NUP62: variants seen among roughly 807,000 people sequenced by gnomAD.
NUP62 encodes the protein nucleoporin 62, also known as nuclear pore glycoprotein p62.
For missense variants in NUP62, 647 were observed against 689.4 expected (o/e 0.94, Z 0.69); for synonymous variants, 305 against 303.4 (o/e 1.01, Z -0.05).
intron 1 of NUP62, 155 bp downstream of exon 1, chr19:49,929,171 G>T (rs905408194): frequency 6.8e-6 from 1 of 146,270 alleles, no homozygotes; most frequent in Non-Finnish European, 1.5e-5. Flanking sequence ...CCGCCACCCA[G>T]TATATATCTG....
chr19:49,917,855 A>AC (rs750139845), intron 2 of NUP62: 1 of 152,010 alleles, frequency 6.6e-6, no homozygotes, highest in African/African-American at 2.4e-5. Flanking sequence ...ACATGGTGAA[A>AC]CCCCCGTCTC....
intron 2 of NUP62, among the ~76,000 whole-genome samples, chr19:49,913,875 C>T (rs560599127): frequency 1.1e-4 from 17 of 152,184 alleles, no homozygotes; most frequent in East Asian, 3.9e-4. Context: ...GAGCCACAGG[C>T]GGACTTTATG....
In NUP62 at chr19:49,918,916, T is replaced by TG. The variant is rs1312547282; in HGVS notation, c.-78+8777dup. On this transcript the variant is annotated intron_variant, in intron 2 of 2. Transcript: ENST00000352066. ...AGGCTGGGGGGGGGGGGGCGGGGTG[T>TG]GGGGGGGCGGATCACCTGAGGTCGG... Among the ~76,000 whole-genome samples the TG allele has an allele frequency of 6.7e-3, 169 of 25,254 alleles. 3 individuals are homozygous for TG. Among genetic ancestry groups the TG allele is most frequent in the African/African-American group, 0.024 (159 of 6,622 alleles). The allele number at this position is 25,254 out of a possible 152,430, so 16.6% of individuals were successfully genotyped here.
chr19:49,922,312 G>T (rs1422767766), intron 2 of NUP62, among the ~76,000 whole-genome samples: 1 of 152,150 alleles, frequency 6.6e-6, no homozygotes, highest in African/African-American at 2.4e-5. Flanking sequence ...GTGGCCTCTG[G>T]CTGGGGGCAT....
rs2075761652 is a variant in NUP62, at chr19:49,921,377, T to C, written c.-78+6317A>G. Among the ~76,000 whole-genome samples, 1 of 152,072 alleles carries C rather than the reference T, an allele frequency of 6.6e-6. No homozygotes were observed. The highest frequency in any genetic ancestry group is 1.5e-5 in the Non-Finnish European group (1 of 68,002). On this transcript the variant is annotated intron_variant, in intron 2 of 2. Coordinates refer to ENST00000352066, the MANE Select transcript of NUP62 (RefSeq NM_016553.5). The surrounding 1 kb of genome is among the most constrained non-coding windows in gnomAD (Gnocchi z 5.4). ...CACTGCCACCACCATCACCGTCCCC[T>C]GCCTCATCCAGTCCCCCTTCCCATT... is the stretch of plus-strand genomic sequence containing the variant.
rs746120885 is a variant in NUP62, at chr19:49,908,683, C to A, written c.1125G>T (p.Leu375=). ...GCTTCACCTTCTCCACCTCGCGGTGCAGGCTGGTGATCTTTTCTCCATTCT... is the reference window on the plus strand; with the variant it reads ...GCTTCACCTTCTCCACCTCGCGGTGAAGGCTGGTGATCTTTTCTCCATTCT... The part of the protein sequence containing the change: ...LIENGEKITS[L]HREVEKVKLD... The change falls in exon 3 of 3, where the codon CTG becomes CTT. Residue 375 remains leucine (L), a synonymous_variant. Transcript: ENST00000352066. 6.2e-7 allele frequency: 1 copy of A among 1,612,018 alleles called. No individual in the cohort carries two copies. Among genetic ancestry groups the A allele is most frequent in the Non-Finnish European group, 8.5e-7 (1 of 1,180,036 alleles).
chr19:49,912,166 C>CTTTTTT (rs60350799), intron 2 of NUP62, among the ~76,000 whole-genome samples: 1 of 115,486 alleles, frequency 8.7e-6, no homozygotes, highest in Non-Finnish European at 1.7e-5. Flanking sequence ...AACAGTTCAC[C>CTTTTTT]TTTTTTTTTT....
chr19:49,914,150 G>GCAAAAAA (rs1410921464), intron 2 of NUP62, among the ~76,000 whole-genome samples: 1 of 151,950 alleles, frequency 6.6e-6, no homozygotes, highest in Non-Finnish European at 1.5e-5. Flanking sequence ...GGAGTTTGAG[G>GCAAAAAA]CAAAAAACAA....
intron 1 of NUP62, chr19:49,928,598 G>C (rs2122805487): frequency 6.6e-6 from 1 of 152,176 alleles, no homozygotes; most frequent in Non-Finnish European, 1.5e-5. Flanking sequence ...TCTTATTTGA[G>C]TCTCATAAAC....
chr19:49,925,229 C>T (rs1431138389), intron 2 of NUP62, among the ~76,000 whole-genome samples: 1 of 152,032 alleles, frequency 6.6e-6, no homozygotes, highest in Non-Finnish European at 1.5e-5. Context: ...CCATTGCACT[C>T]CAGCCTGGGC....
chr19:49,909,332 G>A lies in NUP62; in HGVS notation c.476C>T (p.Ser159Leu), dbSNP rs2075401679. 1 of 1,614,006 alleles carries A rather than the reference G, an allele frequency of 6.2e-7. No homozygotes were observed. Among genetic ancestry groups the A allele is most frequent in the Non-Finnish European group, 8.5e-7 (1 of 1,180,020 alleles). ...TTGGGCCGTGCTTCCACCAGTGAAT[G>A]AGAAGCCTCCAGATGTGGTAGCTGG... is the stretch of plus-strand genomic sequence containing the variant. Reference protein sequence around the residue: ...VAPATTSGGFSFTGGSTAQPS... With the variant: ...VAPATTSGGFLFTGGSTAQPS... Residue 159 changes from serine to leucine, a missense_variant, in exon 3 of 3, where the codon TCA (serine) becomes TTA (leucine). Physicochemically the swap from Ser to Leu is moderately radical, Grantham distance 145 (BLOSUM62 -2). Coordinates refer to ENST00000352066, the MANE Select transcript of NUP62 (RefSeq NM_016553.5).
At chr19:49,917,141 A>G (rs1308236840) in intron 2 of NUP62, among the ~76,000 whole-genome samples, 3 of 152,180 alleles carry the variant, frequency 2.0e-5, no homozygotes, top group Non-Finnish European at 4.4e-5. Flanking sequence ...GGCAGAAAAG[A>G]GCAGAGAGTG....
At chr19:49,910,129 C>T (rs2075426070) in intron 2 of NUP62, among the ~76,000 whole-genome samples, 1 of 152,132 alleles carries the variant, frequency 6.6e-6, no homozygotes, top group Non-Finnish European at 1.5e-5. Flanking sequence ...AAAGCTCCCA[C>T]TCTGTGGAGG....
intron 2 of NUP62, among the ~76,000 whole-genome samples, chr19:49,924,029 T>G (rs1176916485): frequency 6.6e-6 from 1 of 152,062 alleles, no homozygotes; most frequent in African/African-American, 2.4e-5. Flanking sequence ...GTTGCGGCAA[T>G]AGCAGGGCGA....
intron 2 of NUP62, chr19:49,913,181 C>CA (rs2075522382): frequency 6.6e-6 from 1 of 152,422 alleles, no homozygotes; most frequent in African/African-American, 2.4e-5. Flanking sequence ...CAGGGAGGCC[C>CA]ACACAGCAGA....
At chr19:49,922,085 C>CA (rs2075778431) in intron 2 of NUP62, among the ~76,000 whole-genome samples, 1 of 152,210 alleles carries the variant, frequency 6.6e-6, no homozygotes, top group Non-Finnish European at 1.5e-5. Context: ...AACGACCAAA[C>CA]ACCCCTCCTG....
chr19:49,908,174 A>G lies in NUP62; in HGVS notation c.*65T>C, dbSNP rs2075365227. ...GTATCTTGCCACAACCCCAAACTAC[A>G]GACAACAGGGCGCATTCCCCTCATG... On this transcript the variant is annotated 3_prime_UTR_variant, in exon 3 of 3. Coordinates refer to ENST00000352066, the MANE Select transcript of NUP62 (RefSeq NM_016553.5). The G allele has an allele frequency of 1.9e-6, 3 of 1,585,934 alleles. No individual in the cohort carries two copies. Among genetic ancestry groups the G allele is most frequent in the Admixed American group, 1.8e-5 (1 of 56,274 alleles).
intron 2 of NUP62, among the ~76,000 whole-genome samples, chr19:49,922,101 G>A (rs183971822): frequency 2.6e-5 from 4 of 152,300 alleles, no homozygotes; most frequent in African/African-American, 9.6e-5. Context: ...TCCTGACTCA[G>A]AGCTGCTGGC....
chr19:49,914,318 C>T lies in NUP62; in HGVS notation c.-77-4434G>A, dbSNP rs138929049. On this transcript the variant is annotated intron_variant, in intron 2 of 2. Transcript: ENST00000352066. ...GGCGGTGGAGGAAGCAGGGAGGAAC[C>T]CAAACTGAGGGAGTGTTGCATTTCC... Among the ~76,000 whole-genome samples, 15 of 152,178 alleles carry T rather than the reference C, an allele frequency of 9.9e-5. No homozygotes were observed. In the East Asian group the frequency reaches 2.7e-3, roughly 27 times the overall value.
Sources: allele counts gnomAD v4.1 joint callset (sites outside exome capture counted in the v4.1 genomes callset), GRCh38; gene constraint gnomAD v4.1.1; non-coding constraint Gnocchi (gnomAD v3.1); transcripts MANE v1.5; gene names NCBI Gene and HGNC (gene_info 2026-07-23, HGNC 2026-07-21).